SULF2: variants seen among roughly 807,000 people sequenced by gnomAD.
SULF2 encodes the protein sulfatase 2.
In SULF2, 52 loss-of-function variants were observed where a neutral mutation model predicts 107.7. The ratio of observed to expected loss-of-function variants is 0.48; its 90% CI spans 0.39 to 0.61. The LOEUF (loss-of-function observed/expected upper bound fraction) is 0.61. Among genes scored for constraint, SULF2 ranks in the 20% least tolerant of loss-of-function variants. The pLI is 0.00. For missense variants in SULF2, 993 were observed against 1,177.3 expected, an observed-to-expected ratio of 0.84 and a Z score of 2.29; for synonymous variants, 460 against 464.3, an observed-to-expected ratio of 0.99 and a Z score of 0.12.
chr20:47,748,688 G>A (rs2090099454), intron 2 of SULF2, among the ~76,000 whole-genome samples: 1 of 152,120 alleles, frequency 6.6e-6, no homozygotes, highest in African/African-American at 2.4e-5. Flanking sequence ...AGGGCCCCTG[G>A]CAGGAGATCG....
At chr20:47,731,497 T>A (rs943438963) in intron 3 of SULF2, among the ~76,000 whole-genome samples, 7 of 151,896 alleles carry the variant, frequency 4.6e-5, no homozygotes, top group Non-Finnish European at 7.4e-5. Flanking sequence ...CTGGCCTGTT[T>A]AGGGAGCAAA....
intron 11 of SULF2, among the ~76,000 whole-genome samples, chr20:47,668,134 C>CCAGCGTGT (rs1445971522): frequency 1.3e-5 from 2 of 152,168 alleles, no homozygotes; most frequent in African/African-American, 4.8e-5. Context: ...GGAAATAGAC[C>CCAGCGTGT]CAGCGTGTCC....
Position 47,663,437 on chromosome 20 carries a change from C to T in SULF2, c.2227+16G>A, listed in dbSNP as rs570215294. 1.1e-5 allele frequency: 17 copies of T among 1,605,832 alleles called. No individual in the cohort carries two copies. The African/African-American group carries it at 2.1e-4, about 20-fold the overall frequency. ...CTGGGCCTCAGCCTGTCCACCCCTG[C>T]CCTGGGCTTGCTCACGTGTCCAGAA... On this transcript the variant is annotated intron_variant, in intron 16 of 20. Transcript: ENST00000688720.
At chr20:47,677,035 A>C (rs1000817355) in intron 9 of SULF2, 43 bp downstream of exon 9, 4 of 1,603,036 alleles carry the variant, frequency 2.5e-6, no homozygotes. Flanking sequence ...GGGCAGAGGG[A>C]GGGAGGTGGG....
chr20:47,761,931 T>C (rs983880571), intron 1 of SULF2, among the ~76,000 whole-genome samples: 3 of 152,230 alleles, frequency 2.0e-5, no homozygotes, highest in African/African-American at 7.2e-5. Flanking sequence ...ACTGTTCTCA[T>C]GGTAGTGAAT....
chr20:47,676,668 T>C (rs1255654985), intron 9 of SULF2, 45 bp from the exon 10 acceptor site: 6 of 1,545,328 alleles, frequency 3.9e-6, no homozygotes, highest in African/African-American at 2.7e-5. Context: ...CTCTCAGCTC[T>C]GGAGGAGCCC....
At chr20:47,703,219 T>A (rs780716712) in intron 3 of SULF2, among the ~76,000 whole-genome samples, 54 of 152,222 alleles carry the variant, frequency 3.5e-4, no homozygotes, top group Non-Finnish European at 5.9e-5. Context: ...TAAAACCTTG[T>A]AGAGAGCGAT....
At chr20:47,750,276 G>A (rs1000862531) in intron 2 of SULF2, among the ~76,000 whole-genome samples, 2 of 152,110 alleles carry the variant, frequency 1.3e-5, no homozygotes, top group Non-Finnish European at 2.9e-5. Context: ...CACCGCACCC[G>A]GCCCACAGCT....
At chr20:47,659,563 G>T in intron 19 of SULF2, 111 bp from the exon 20 acceptor site, 1 of 1,386,950 alleles carries the variant, frequency 7.2e-7, no homozygotes, top group Non-Finnish European at 1.0e-6. Flanking sequence ...TCTTTGGTGG[G>T]TGATCCTGGT....
chr20:47,734,122 C>G (rs115319335), intron 3 of SULF2, among the ~76,000 whole-genome samples: 40 of 152,268 alleles, frequency 2.6e-4, no homozygotes, highest in African/African-American at 9.6e-4. Context: ...CCATGCATGG[C>G]CATATGACTT....
chr20:47,658,601 A>T (rs1212167001), intron 20 of SULF2, among the ~76,000 whole-genome samples: 5 of 152,222 alleles, frequency 3.3e-5, no homozygotes, highest in Non-Finnish European at 7.3e-5. Flanking sequence ...GCATTTAAGG[A>T]TCTGGACAGA....
intron 10 of SULF2, among the ~76,000 whole-genome samples, chr20:47,673,196 G>C (rs57701363): frequency 0.036 from 5,419 of 152,266 alleles, 338 homozygotes; most frequent in African/African-American, 0.12. Context: ...TCTGTCCACA[G>C]CTGCTCCAGC....
chr20:47,698,156 T>C (rs1041455600), intron 4 of SULF2, among the ~76,000 whole-genome samples: 5 of 152,254 alleles, frequency 3.3e-5, no homozygotes, highest in South Asian at 4.1e-4. Flanking sequence ...GATCTCCATG[T>C]GTGCCGGGGT....
chr20:47,737,716 G>C (rs915132397), intron 2 of SULF2, among the ~76,000 whole-genome samples: 17 of 149,996 alleles, frequency 1.1e-4, no homozygotes, highest in African/African-American at 3.7e-4. Context: ...CAGGCTTCGA[G>C]GTTTCGGTCA....
At position 47,698,835 on chromosome 20, in the gene SULF2, C is replaced by A. The variant is rs577375344; in HGVS notation, c.567+3684G>T. ...TCACCTGAGATTGGGAGTTCGAGAC[C>A]AGCCTGACCAACACGGAGAAACCCC... On this transcript the variant is annotated intron_variant, in intron 4 of 20. Transcript: ENST00000688720. 1.6e-3 allele frequency among the ~76,000 whole-genome samples: 248 copies of A among 152,156 alleles called. 1 individual carries two copies. Among genetic ancestry groups the A allele is most frequent in the African/African-American group, 5.5e-3 (228 of 41,500 alleles).
intron 3 of SULF2, among the ~76,000 whole-genome samples, chr20:47,735,127 A>G (rs1281877729): frequency 6.6e-6 from 1 of 151,812 alleles, no homozygotes; most frequent in Non-Finnish European, 1.5e-5. Context: ...CCTCACTTTG[A>G]CTCTGGGCAG....
At chr20:47,752,093 G>A (rs143331322) in intron 2 of SULF2, among the ~76,000 whole-genome samples, 192 of 152,324 alleles carry the variant, frequency 1.3e-3, no homozygotes, top group Non-Finnish European at 2.4e-3. Flanking sequence ...TAATGTTGCT[G>A]TTCAGTGCCA....
intron 1 of SULF2, among the ~76,000 whole-genome samples, chr20:47,782,763 A>T (rs1248828983): frequency 1.3e-5 from 2 of 152,044 alleles, no homozygotes; most frequent in Non-Finnish European, 2.9e-5. Flanking sequence ...AAGAAAAAGC[A>T]CCAGGCAGAC....
At chr20:47,745,456 TACACATAC>T (rs1215388551) in intron 2 of SULF2, among the ~76,000 whole-genome samples, 494 of 15,462 alleles carry the variant, frequency 0.032, 32 homozygotes, top group African/African-American at 0.057. Flanking sequence ...TATATATATA[TACACATAC>T]ACACACACTT....
Sources: gnomAD v4.1 joint callset for allele counts (sites outside exome capture counted in the v4.1 genomes callset) on GRCh38, gnomAD v4.1.1 for gene constraint, MANE v1.5 for transcripts, NCBI Gene and HGNC (gene_info 2026-07-23, HGNC 2026-07-21) for gene names.